The following MAPT variants were observed in gnomAD, a reference collection of about 807,000 sequenced individuals.
The protein encoded by MAPT is microtubule-associated protein tau.
In MAPT, 34 loss-of-function variants were observed where a neutral mutation model predicts 67.9. That is an observed-to-expected ratio of 0.50 (90% CI 0.38 to 0.67). The LOEUF (loss-of-function observed/expected upper bound fraction) is 0.67. MAPT is among the 30% of genes least tolerant of loss of function. The probability of loss-of-function intolerance (pLI) is 0.00; values close to 1 mark genes in which losing one functional copy is unlikely to be tolerated. For synonymous variants in MAPT, 456 were observed against 464.5 expected (o/e 0.98, Z 0.23); for missense variants, 881 against 1,115.2 (o/e 0.79, Z 2.99).
chr17:45,956,853 T>G (rs998671192), intron 1 of MAPT, among the ~76,000 whole-genome samples: 1 of 151,590 alleles, frequency 6.6e-6, no homozygotes, highest in Non-Finnish European at 1.5e-5. Flanking sequence ...TGTGTTTGGT[T>G]TTTTTGTCCT....
intron 11 of MAPT, 64 bp downstream of exon 11, chr17:46,014,388 G>T: frequency 9.1e-7 from 1 of 1,104,728 alleles, no homozygotes; most frequent in Non-Finnish European, 1.4e-6. Context: ...TCCTGGTGAG[G>T]CTGGAACTGC....
chr17:45,969,522 A>C (rs1485962245), intron 2 of MAPT, among the ~76,000 whole-genome samples: 1 of 150,558 alleles, frequency 6.6e-6, no homozygotes, highest in East Asian at 2.0e-4. Flanking sequence ...ATATATCTGT[A>C]CATAATCCAT....
At chr17:46,016,849 G>T (rs2076215375) in intron 11 of MAPT, among the ~76,000 whole-genome samples, 1 of 152,224 alleles carries the variant, frequency 6.6e-6, no homozygotes. Flanking sequence ...TATCTGTGCT[G>T]TCCAGTATAG....
intron 1 of MAPT, among the ~76,000 whole-genome samples, chr17:45,934,893 CTT>C (rs774630024): frequency 3.5e-5 from 4 of 113,328 alleles, no homozygotes; most frequent in Non-Finnish European, 9.5e-5. Context: ...TTCCCCCCCG[CTT>C]CTTAGAAGGA....
intron 9 of MAPT, among the ~76,000 whole-genome samples, chr17:46,009,601 C>T (rs1226580638): frequency 6.6e-6 from 1 of 152,156 alleles, no homozygotes; most frequent in Non-Finnish European, 1.5e-5. Context: ...GAAGGCACAG[C>T]CCCCCCTTGC....
Position 45,993,954 on chromosome 17 carries a change from C to G in MAPT, c.1732+2368C>G, listed in dbSNP as rs1249915606. 3.2e-6 allele frequency: 5 copies of G among 1,576,530 alleles called. No individual in the cohort carries two copies. The African/African-American group carries it at 5.4e-5, about 17-fold the overall frequency. ...AAGCAAGTCCAGAGAAGACCACCCCCTGCAGGGCCCAGATCTGAGAGAGGT... is the reference window on the plus strand; with the variant it reads ...AAGCAAGTCCAGAGAAGACCACCCCGTGCAGGGCCCAGATCTGAGAGAGGT... On this transcript the variant is annotated intron_variant, in intron 8 of 12. Coordinates refer to ENST00000262410, the MANE Select transcript of MAPT (RefSeq NM_001377265.1).
At chr17:45,973,584 T>G (rs1192847927) in intron 3 of MAPT, 2 of 152,212 alleles carry the variant, frequency 1.3e-5, no homozygotes, top group Non-Finnish European at 2.9e-5. Context: ...CAACCATAAT[T>G]AAAATGTCCT....
At chr17:46,018,838 T>C in intron 12 of MAPT, 108 bp downstream of exon 12, 1 of 809,788 alleles carries the variant, frequency 1.2e-6, no homozygotes, top group Non-Finnish European at 2.1e-6. Context: ...CAGAGGCTTC[T>C]GTGTTGACTG....
At chr17:45,930,880 C>T (rs2066792405) in intron 1 of MAPT, among the ~76,000 whole-genome samples, 1 of 152,206 alleles carries the variant, frequency 6.6e-6, no homozygotes, top group South Asian at 2.1e-4. Flanking sequence ...GTCGCTGCTG[C>T]AAGGGCCGGC....
intron 6 of MAPT, among the ~76,000 whole-genome samples, chr17:45,988,757 C>T (rs935144889): frequency 5.3e-5 from 8 of 151,960 alleles, no homozygotes; most frequent in Admixed American, 1.3e-4. Context: ...AAGACCCCAT[C>T]TCAAAAAAAA....
At chr17:45,920,181 G>A (rs2065562982) in intron 1 of MAPT, among the ~76,000 whole-genome samples, 1 of 152,176 alleles carries the variant, frequency 6.6e-6, no homozygotes, top group African/African-American at 2.4e-5. Flanking sequence ...GCCTATTTTT[G>A]TTTGTGTTTT....
intron 4 of MAPT, among the ~76,000 whole-genome samples, chr17:45,982,375 A>G (rs970822979): frequency 7.3e-5 from 11 of 151,404 alleles, no homozygotes; most frequent in African/African-American, 2.7e-4. Flanking sequence ...AGAGGTAGGG[A>G]GAGGAAAGGG....
chr17:45,952,865 T>G (rs17650633), intron 1 of MAPT, among the ~76,000 whole-genome samples: 9 of 151,908 alleles, frequency 5.9e-5, no homozygotes, highest in African/African-American at 1.9e-4. Context: ...AAGTAAAAAG[T>G]TGGGGGATGT....
intron 1 of MAPT, chr17:45,910,658 T>C (rs1057243899): frequency 1.4e-5 from 2 of 140,538 alleles, no homozygotes; most frequent in Non-Finnish European, 3.2e-5. Context: ...AACAGATGGC[T>C]TTTTCCTTAA....
chr17:45,967,823 C>T (rs1354229425), intron 2 of MAPT, among the ~76,000 whole-genome samples: 1 of 152,148 alleles, frequency 6.6e-6, no homozygotes, highest in Non-Finnish European at 1.5e-5. Flanking sequence ...CAAAACCTAA[C>T]AAGTAAAAAC....
Position 45,983,438 on chromosome 17 carries a change from C to A in MAPT, c.859C>A (p.Pro287Thr), listed in dbSNP as rs916080507. ...PLKGAGGKER[P>T]GSKEEVDEDR... The stretch of plus-strand genomic sequence containing the variant: ...GAAGGGGGCAGGGGGCAAAGAGAGG[C>A]CGGGGAGCAAGGAGGAGGTGGATGA... The change falls in exon 5 of 13, where the codon CCG (proline) becomes ACG (threonine). Residue 287 changes from proline (P) to threonine (T), a missense_variant. By Grantham distance (38) the Pro-to-Thr change is conservative. This residue lies in a region of MAPT where 687 missense variants were observed against 766.1 expected (regional missense o/e 0.90). Coordinates refer to ENST00000262410, the MANE Select transcript of MAPT (RefSeq NM_001377265.1). The A allele has an allele frequency of 1.2e-6, 2 of 1,606,318 alleles. No homozygotes were observed. Among genetic ancestry groups the A allele is most frequent in the Middle Eastern group, 1.7e-4 (1 of 6,036 alleles).
intron 11 of MAPT, 49 bp from the exon 12 acceptor site, chr17:46,018,569 G>A: frequency 7.4e-7 from 1 of 1,353,332 alleles, no homozygotes; most frequent in Admixed American, 1.7e-5. Context: ...TAAGTCCACA[G>A]AACCACAGAA....
intron 2 of MAPT, among the ~76,000 whole-genome samples, chr17:45,968,355 G>A (rs2071302297): frequency 6.6e-6 from 1 of 152,130 alleles, no homozygotes; most frequent in Non-Finnish European, 1.5e-5. Flanking sequence ...CATTTTCCTG[G>A]ACTTCCTATC....
Position 45,996,767 on chromosome 17 carries a change from G to A in MAPT, c.1998+103G>A, listed in dbSNP as rs117562189. 107,508 of 1,484,414 alleles carry A rather than the reference G, an allele frequency of 0.072. 4,333 individuals are homozygous for A. The highest frequency in any genetic ancestry group is 0.14 in the Middle Eastern group (673 of 4,792). The allele number at this position is 1,484,414 out of a possible 1,614,324, so 92.0% of individuals were successfully genotyped here. A position where few individuals can be genotyped will look rare whatever the true frequency, so the allele number is the denominator to read the frequency against. On this transcript the variant is annotated intron_variant, in intron 9 of 12. Transcript: ENST00000262410. The surrounding 1 kb of genome is among the most constrained non-coding windows in gnomAD (Gnocchi z 4.5). ...TGCGCCTGGAGGTGCGCGGTTGAGC[G>A]TGGAGTCGTGGGACTGTGCATGGAG...
Sources: gnomAD v4.1 joint callset for allele counts (sites outside exome capture counted in the v4.1 genomes callset) on GRCh38, gnomAD v4.1.1 for gene constraint, gnomAD v4.1.1 regional missense constraint, Gnocchi (gnomAD v3.1) non-coding constraint, MANE v1.5 for transcripts, NCBI Gene and HGNC (gene_info 2026-07-23, HGNC 2026-07-21) for gene names.